CSNK2A2IP: variants seen among roughly 807,000 people sequenced by gnomAD.
CSNK2A2IP encodes the protein casein kinase 2 subunit alpha' interacting protein.
At chr3:88,465,537 C>A in the CSNK2A2IP span, 104 of 1,231,538 alleles carry the variant, frequency 8.4e-5, no homozygotes, top group Non-Finnish European at 9.8e-5. Flanking sequence ...CACTGGGCTC[C>A]AATAAGAAGG....
chr3:88,352,650 C>T, the CSNK2A2IP span, among the ~76,000 whole-genome samples: 1 of 151,994 alleles, frequency 6.6e-6, no homozygotes, highest in Non-Finnish European at 1.5e-5. Flanking sequence ...ATGATCACAG[C>T]TCACTGCGGC....
chr3:88,433,441 C>T, the CSNK2A2IP span, among the ~76,000 whole-genome samples: 1 of 152,016 alleles, frequency 6.6e-6, no homozygotes, highest in Non-Finnish European at 1.5e-5. Flanking sequence ...TTTGTTACTT[C>T]TTACATGTTT....
chr3:88,352,832 C>T, the CSNK2A2IP span, among the ~76,000 whole-genome samples: 2 of 152,192 alleles, frequency 1.3e-5, no homozygotes, highest in South Asian at 4.2e-4. Context: ...AGGGTGAGTT[C>T]AAATTAGGCA....
the CSNK2A2IP span, among the ~76,000 whole-genome samples, chr3:88,352,422 A>T: frequency 1.8e-4 from 27 of 152,160 alleles, no homozygotes; most frequent in Non-Finnish European, 2.9e-4. Flanking sequence ...ATATTTTGTC[A>T]TATAAATTAT....
At chr3:88,351,967 C>G in the CSNK2A2IP span, among the ~76,000 whole-genome samples, 1 of 151,948 alleles carries the variant, frequency 6.6e-6, no homozygotes, top group Non-Finnish European at 1.5e-5. Context: ...AGCATTAAAA[C>G]GTTTATTATT....
the CSNK2A2IP span, among the ~76,000 whole-genome samples, chr3:88,441,595 T>C: frequency 6.6e-6 from 1 of 152,306 alleles, no homozygotes; most frequent in South Asian, 2.1e-4. Context: ...AACATTCTTA[T>C]GCATTTTGAA....
At chr3:88,381,341 G>T in the CSNK2A2IP span, among the ~76,000 whole-genome samples, 1 of 152,196 alleles carries the variant, frequency 6.6e-6, no homozygotes, top group Admixed American at 6.5e-5. Flanking sequence ...AAATCAAGCA[G>T]AATGATTCTC....
chr3:88,369,038 T>C, the CSNK2A2IP span, among the ~76,000 whole-genome samples: 1 of 152,050 alleles, frequency 6.6e-6, no homozygotes, highest in Non-Finnish European at 1.5e-5. Context: ...AGGAACCCTA[T>C]ACTCCCCACA....
the CSNK2A2IP span, among the ~76,000 whole-genome samples, chr3:88,370,572 C>T: frequency 3.5e-5 from 5 of 144,724 alleles, no homozygotes; most frequent in African/African-American, 1.3e-4. Context: ...CCCTTCCTTC[C>T]TTTCTTTCTC....
the CSNK2A2IP span, chr3:88,399,596 A>T: frequency 6.6e-6 from 1 of 152,208 alleles, no homozygotes; most frequent in Non-Finnish European, 1.5e-5. Flanking sequence ...GTGATAAATA[A>T]AACTGATTCT....
chr3:88,391,029 G>A, the CSNK2A2IP span, among the ~76,000 whole-genome samples: 9 of 152,174 alleles, frequency 5.9e-5, no homozygotes, highest in African/African-American at 2.2e-4. Flanking sequence ...TTCTAGCAGT[G>A]TGATTGGGGC....
chr3:88,425,916 G>T, the CSNK2A2IP span, among the ~76,000 whole-genome samples: 1,425 of 152,204 alleles, frequency 9.4e-3, 21 homozygotes, highest in Non-Finnish European at 9.5e-3. Flanking sequence ...TTTACCCAAT[G>T]AAGAAGCTGA....
chr3:88,441,802 G>A, the CSNK2A2IP span, among the ~76,000 whole-genome samples: 2 of 152,078 alleles, frequency 1.3e-5, no homozygotes, highest in East Asian at 3.9e-4. Context: ...TTATCCAAAT[G>A]CATTCTTTAA....
the CSNK2A2IP span, among the ~76,000 whole-genome samples, chr3:88,414,919 T>C: frequency 2.6e-5 from 4 of 152,090 alleles, no homozygotes; most frequent in East Asian, 1.9e-4. Flanking sequence ...CAGAAAACTA[T>C]GAATTTATTA....
chr3:88,428,617 A>G, the CSNK2A2IP span, among the ~76,000 whole-genome samples: 1 of 152,132 alleles, frequency 6.6e-6, no homozygotes. Flanking sequence ...CATGATATCT[A>G]TTGGTAGGCC....
the CSNK2A2IP span, among the ~76,000 whole-genome samples, chr3:88,361,022 A>G: frequency 6.6e-6 from 1 of 151,990 alleles, no homozygotes; most frequent in Non-Finnish European, 1.5e-5. Flanking sequence ...CCACTTTTTG[A>G]TATTTTGTTG....
At chr3:88,444,641 A>G in the CSNK2A2IP span, among the ~76,000 whole-genome samples, 1 of 152,220 alleles carries the variant, frequency 6.6e-6, no homozygotes, top group Non-Finnish European at 1.5e-5. Context: ...AACTAGTTTA[A>G]TGCATTTGGA....
the CSNK2A2IP span, among the ~76,000 whole-genome samples, chr3:88,395,237 TA>T: frequency 4.6e-5 from 7 of 152,226 alleles, no homozygotes; most frequent in African/African-American, 1.7e-4. Context: ...TGGTGTTTCC[TA>T]AGACATCTTT....
chr3:88,352,231 A>T, the CSNK2A2IP span, among the ~76,000 whole-genome samples: 1 of 152,092 alleles, frequency 6.6e-6, no homozygotes, highest in Non-Finnish European at 1.5e-5. Flanking sequence ...CTACCTATCT[A>T]TCTATCTATC....
Sources: gnomAD v4.1 joint callset for allele counts (sites outside exome capture counted in the v4.1 genomes callset) on GRCh38, gnomAD v4.1.1 for gene constraint, MANE v1.5 for transcripts, NCBI Gene and HGNC (gene_info 2026-07-23, HGNC 2026-07-21) for gene names.